Variants in MBOAT2 observed in about 807,000 individuals in gnomAD.
MBOAT2 encodes membrane bound glycerophospholipid O-acyltransferase 2.
In MBOAT2, 28 loss-of-function variants were observed where a neutral mutation model predicts 63.4. That is an observed-to-expected ratio of 0.44 (90% CI 0.33 to 0.61). MBOAT2 has a LOEUF of 0.61. MBOAT2 is among the 20% of genes least tolerant of loss of function. The probability of loss-of-function intolerance (pLI) is 0.03; values close to 1 mark genes in which losing one functional copy is unlikely to be tolerated. For missense variants in MBOAT2, 470 were observed against 605.8 expected (o/e 0.78, Z 2.35); for synonymous variants, 211 against 215.6 (o/e 0.98, Z 0.19).
chr2:8,968,672 A>C (rs1321606248), intron 1 of MBOAT2, among the ~76,000 whole-genome samples: 1 of 152,242 alleles, frequency 6.6e-6, no homozygotes, highest in Non-Finnish European at 1.5e-5. Context: ...ACCAGTGTAG[A>C]GAAGTCCTTA....
chr2:8,934,790 G>A (rs902191910), intron 3 of MBOAT2, among the ~76,000 whole-genome samples: 2 of 152,120 alleles, frequency 1.3e-5, no homozygotes, highest in African/African-American at 4.8e-5. Flanking sequence ...CCTCAGTGAA[G>A]TTAGTATTTT....
chr2:8,870,774 T>C (rs1245813741), intron 8 of MBOAT2, among the ~76,000 whole-genome samples: 1 of 152,246 alleles, frequency 6.6e-6, no homozygotes, highest in African/African-American at 2.4e-5. Flanking sequence ...CTTTAAATTC[T>C]TTAAATATAG....
At chr2:8,913,257 C>T (rs1046475240) in intron 3 of MBOAT2, among the ~76,000 whole-genome samples, 1 of 152,028 alleles carries the variant, frequency 6.6e-6, no homozygotes, top group Non-Finnish European at 1.5e-5. Flanking sequence ...TGGAAAAACC[C>T]TTCTAGACTT....
intron 3 of MBOAT2, among the ~76,000 whole-genome samples, chr2:8,909,261 CTT>C (rs1665539083): frequency 6.6e-6 from 1 of 152,032 alleles, no homozygotes; most frequent in Non-Finnish European, 1.5e-5. Flanking sequence ...GGAAAAAGAA[CTT>C]ATATATCAAC....
intron 3 of MBOAT2, among the ~76,000 whole-genome samples, chr2:8,931,613 G>C (rs887545752): frequency 6.6e-6 from 1 of 152,026 alleles, no homozygotes; most frequent in Admixed American, 6.5e-5. Context: ...GTCAATTTTT[G>C]CTTTTGTTGC....
At chr2:8,950,598 T>G (rs915998670) in intron 2 of MBOAT2, among the ~76,000 whole-genome samples, 2 of 152,126 alleles carry the variant, frequency 1.3e-5, no homozygotes, top group Non-Finnish European at 2.9e-5. Flanking sequence ...TGGCTAATTT[T>G]TTGTATTTTT....
chr2:8,884,195 CAAAAAAAAA>C (rs1169179642), intron 5 of MBOAT2, among the ~76,000 whole-genome samples: 15 of 22,102 alleles, frequency 6.8e-4, no homozygotes, highest in South Asian at 1.4e-3. Flanking sequence ...AAGACTCAGC[CAAAAAAAAA>C]AAAAAAAAAA....
In MBOAT2 at chr2:9,003,638, G is replaced by A. The variant is rs1672878183; in HGVS notation, c.-24C>T. On this transcript the variant is annotated 5_prime_UTR_variant, in exon 1 of 13. Coordinates refer to ENST00000305997, the MANE Select transcript of MBOAT2 (RefSeq NM_138799.4). This position sits in a 1 kb window ranked among gnomAD's most constrained non-coding sequence, Gnocchi z 5.4. ...ATGGCCGGGCCTCGGCGCTCCGGCC[G>A]CCCGCGCCGCTCGCCCGCTCGCGCT... The A allele has an allele frequency of 1.7e-6, 2 of 1,150,110 alleles. No individual in the cohort carries two copies. The highest frequency in any genetic ancestry group is 8.7e-5 in the East Asian group (2 of 23,084). The allele number at this position is 1,150,110 out of a possible 1,614,324, so 71.2% of individuals were successfully genotyped here.
chr2:8,916,006 A>G (rs1208056171), intron 3 of MBOAT2, among the ~76,000 whole-genome samples: 2 of 152,186 alleles, frequency 1.3e-5, no homozygotes, highest in African/African-American at 4.8e-5. Context: ...GGTCTGGTTG[A>G]TGAAGCATGA....
chr2:8,931,922 C>A (rs1667345516), intron 3 of MBOAT2, among the ~76,000 whole-genome samples: 2 of 152,154 alleles, frequency 1.3e-5, no homozygotes, highest in African/African-American at 4.8e-5. Context: ...TCTGAGATCT[C>A]TATTCTGATC....
At chr2:8,894,065 T>C (rs1664227294) in intron 4 of MBOAT2, among the ~76,000 whole-genome samples, 1 of 152,148 alleles carries the variant, frequency 6.6e-6, no homozygotes, top group Non-Finnish European at 1.5e-5. Flanking sequence ...ACCCCTCATC[T>C]ACATTAGGTA....
At chr2:8,891,378 G>C (rs866529158) in intron 4 of MBOAT2, among the ~76,000 whole-genome samples, 1 of 152,158 alleles carries the variant, frequency 6.6e-6, no homozygotes, top group Non-Finnish European at 1.5e-5. Flanking sequence ...TGAGTCCAAC[G>C]CAGCAGGTAT....
intron 1 of MBOAT2, among the ~76,000 whole-genome samples, chr2:8,997,127 T>C (rs1383359086): frequency 6.6e-6 from 1 of 152,178 alleles, no homozygotes; most frequent in Non-Finnish European, 1.5e-5. Context: ...CAATCACCCA[T>C]AGCACGCATA....
chr2:8,937,028 A>G (rs1286090179), intron 3 of MBOAT2, among the ~76,000 whole-genome samples: 3 of 152,144 alleles, frequency 2.0e-5, no homozygotes, highest in Non-Finnish European at 4.4e-5. Context: ...CCACAGCCTA[A>G]GTGGAGAGGC....
chr2:8,898,331 G>A (rs1466933504), intron 4 of MBOAT2, among the ~76,000 whole-genome samples: 1 of 152,098 alleles, frequency 6.6e-6, no homozygotes, highest in Admixed American at 6.6e-5. Context: ...CTGTATCCGG[G>A]GATCCATAGT....
At chr2:8,878,892 C>T (rs1294003530) in intron 6 of MBOAT2, among the ~76,000 whole-genome samples, 4 of 151,714 alleles carry the variant, frequency 2.6e-5, no homozygotes, top group Admixed American at 6.6e-5. Flanking sequence ...CCAGCTAAAA[C>T]GGTGAAACCC....
intron 5 of MBOAT2, 88 bp from the exon 6 acceptor site, chr2:8,882,653 T>C: frequency 8.8e-7 from 1 of 1,140,084 alleles, no homozygotes; most frequent in Admixed American, 1.7e-5. Context: ...CTTTCCTCAT[T>C]TGAAATTCAT....
intron 3 of MBOAT2, among the ~76,000 whole-genome samples, chr2:8,917,574 G>A (rs1266174449): frequency 6.6e-6 from 1 of 152,112 alleles, no homozygotes; most frequent in Non-Finnish European, 1.5e-5. Context: ...CATGGAAAAG[G>A]CTGAGAACAC....
intron 1 of MBOAT2, among the ~76,000 whole-genome samples, chr2:8,969,102 T>C (rs1213138075): frequency 6.6e-6 from 1 of 151,886 alleles, no homozygotes; most frequent in Non-Finnish European, 1.5e-5. Context: ...AAGGAAAAAA[T>C]GTTAAGGGCA....
Sources: gnomAD v4.1 joint callset for allele counts (sites outside exome capture counted in the v4.1 genomes callset) on GRCh38, gnomAD v4.1.1 for gene constraint, Gnocchi (gnomAD v3.1) non-coding constraint, MANE v1.5 for transcripts, NCBI Gene and HGNC (gene_info 2026-07-23, HGNC 2026-07-21) for gene names.